NFIX: variants seen among roughly 807,000 people sequenced by gnomAD.
NFIX encodes nuclear factor I X.
A neutral mutation model predicts 53.3 loss-of-function variants in NFIX; 2 were observed. That is an observed-to-expected ratio of 0.04 (90% CI 0.02 to 0.12). NFIX has a LOEUF of 0.12. Ranked by LOEUF, NFIX falls within the 10% of genes least tolerant of loss-of-function variation. The probability of loss-of-function intolerance (pLI) is 1.00; values close to 1 mark genes in which losing one functional copy is unlikely to be tolerated. For missense variants in NFIX, 310 were observed against 674.5 expected (o/e 0.46, Z 5.99); for synonymous variants, 244 against 289.0 (o/e 0.84, Z 1.58).
intron 2 of NFIX, among the ~76,000 whole-genome samples, chr19:13,046,376 G>C (rs574189028): frequency 6.6e-6 from 1 of 152,204 alleles, no homozygotes; most frequent in South Asian, 2.1e-4. Context: ...ACTGTGTCTT[G>C]TGTTTTCTGC....
In NFIX at chr19:13,051,911, C is replaced by T. The variant is rs544730775; in HGVS notation, c.560-21136C>T. Among the ~76,000 whole-genome samples, 6 of 152,270 alleles carry T rather than the reference C, an allele frequency of 3.9e-5. No homozygotes were observed. The East Asian group carries it at 1.2e-3, about 30-fold the overall frequency. On this transcript the variant is annotated intron_variant, in intron 2 of 10. Coordinates refer to ENST00000592199, the MANE Select transcript of NFIX (RefSeq NM_001365902.3). The surrounding 1 kb of genome is among the most constrained non-coding windows in gnomAD (Gnocchi z 5.1). ...CTGCGGGAAGGCACTTCTTAGGCGCCGCCTCCTCCTCACAGCGCCCGCCTT... is the reference window on the plus strand; with the variant it reads ...CTGCGGGAAGGCACTTCTTAGGCGCTGCCTCCTCCTCACAGCGCCCGCCTT...
intron 2 of NFIX, among the ~76,000 whole-genome samples, chr19:13,063,213 T>A (rs1343943579): frequency 6.6e-6 from 1 of 152,206 alleles, no homozygotes; most frequent in Non-Finnish European, 1.5e-5. Flanking sequence ...AAAGTGAATT[T>A]CCTGCTCTAT....
chr19:12,997,446 G>A (rs551560023), intron 1 of NFIX, among the ~76,000 whole-genome samples: 2 of 152,350 alleles, frequency 1.3e-5, no homozygotes, highest in East Asian at 3.9e-4. Flanking sequence ...GTTGCAGTGT[G>A]CATGCAGGTG....
intron 1 of NFIX, among the ~76,000 whole-genome samples, chr19:13,000,821 G>T (rs10415363): frequency 0.1 from 15,651 of 152,274 alleles, 1,724 homozygotes; most frequent in African/African-American, 0.28. Flanking sequence ...TGGGCACTTG[G>T]CTGGATCAGG....
intron 1 of NFIX, chr19:13,023,940 T>TCC: frequency 1.4e-5 from 3 of 212,736 alleles, no homozygotes; most frequent in Non-Finnish European, 2.6e-5. Flanking sequence ...CTCCTCCTCC[T>TCC]CCCCCCTCCC....
In NFIX at chr19:13,025,897, A is replaced by G. The variant is rs2013305389; in HGVS notation, c.559+345A>G. On this transcript the variant is annotated intron_variant, in intron 2 of 10. Coordinates refer to ENST00000592199, the MANE Select transcript of NFIX (RefSeq NM_001365902.3). The surrounding 1 kb of genome is among the most constrained non-coding windows in gnomAD (Gnocchi z 7.5). ...ATGATGGTGAGAGTTTGAGATGAAC[A>G]ACAACAGCAAACCAGTAATTGCTCT... Among the ~76,000 whole-genome samples the G allele has an allele frequency of 6.6e-6, 1 of 152,226 alleles. No homozygotes were observed.
At chr19:13,046,848 T>C (rs1268951285) in intron 2 of NFIX, among the ~76,000 whole-genome samples, 1 of 152,150 alleles carries the variant, frequency 6.6e-6, no homozygotes, top group African/African-American at 2.4e-5. Context: ...ATGGCTCTCT[T>C]CCTTCTTGGT....
rs546340197 is a variant in NFIX at position 13,078,062 on chromosome 19, G to T, written c.956-551G>T. Among the ~76,000 whole-genome samples, 1 of 152,256 alleles carries T rather than the reference G, an allele frequency of 6.6e-6. No individual in the cohort carries two copies. The highest frequency in any genetic ancestry group is 6.5e-5 in the Admixed American group (1 of 15,298). On this transcript the variant is annotated intron_variant, in intron 6 of 10. Transcript: ENST00000592199. The surrounding 1 kb of genome is among the most constrained non-coding windows in gnomAD (Gnocchi z 4.7). ...GGACTCTCCAGGTCCTCTGGCCTCT[G>T]TCCCTGCTCTCTCGCTGGGCATTGT...
intron 1 of NFIX, among the ~76,000 whole-genome samples, chr19:13,015,758 G>A (rs1294625351): frequency 2.6e-5 from 4 of 151,964 alleles, no homozygotes; most frequent in Non-Finnish European, 1.5e-5. Context: ...TTGCCCTGTT[G>A]ATGGGATCAG....
rs908984942 is a variant in NFIX at position 13,081,534 on chromosome 19, G to A, written c.1079-146G>A. 2.4e-5 allele frequency: 15 copies of A among 633,714 alleles called. No homozygotes were observed. In the African/African-American group the frequency reaches 2.4e-4, roughly 10 times the overall value. The allele number at this position is 633,714 out of a possible 1,614,324, so 39.3% of individuals were successfully genotyped here. ...TCCTGATGACTGACTTTTTTGTGCCGCCTTAACTTTTGTGCCTGTGGCGGC... is the reference window on the plus strand; with the variant it reads ...TCCTGATGACTGACTTTTTTGTGCCACCTTAACTTTTGTGCCTGTGGCGGC... On this transcript the variant is annotated intron_variant, in intron 7 of 10. Coordinates refer to ENST00000592199, the MANE Select transcript of NFIX (RefSeq NM_001365902.3). This position sits in a 1 kb window ranked among gnomAD's most constrained non-coding sequence, Gnocchi z 4.7.
At chr19:13,010,507 A>C (rs1282883217) in intron 1 of NFIX, among the ~76,000 whole-genome samples, 1 of 152,224 alleles carries the variant, frequency 6.6e-6, no homozygotes. Context: ...TTATATGCGC[A>C]CCTAGGCCTG....
At chr19:13,077,025 C>T (rs751010010) in intron 6 of NFIX, among the ~76,000 whole-genome samples, 19 of 152,096 alleles carry the variant, frequency 1.2e-4, no homozygotes, top group Non-Finnish European at 2.2e-4. Context: ...CCTAGGGGAG[C>T]CTTGAGAGGC....
In NFIX at chr19:13,081,954, C is replaced by A; in HGVS notation, c.1254+99C>A. The A allele has an allele frequency of 7.0e-7, 1 of 1,421,276 alleles. No homozygotes were observed. The highest frequency in any genetic ancestry group is 2.4e-5 in the East Asian group (1 of 41,166). The allele number at this position is 1,421,276 out of a possible 1,614,324, so 88.0% of individuals were successfully genotyped here. A position where few individuals can be genotyped will look rare whatever the true frequency, so the allele number is the denominator to read the frequency against. On this transcript the variant is annotated intron_variant, in intron 8 of 10. Transcript: ENST00000592199. This position sits in a 1 kb window ranked among gnomAD's most constrained non-coding sequence, Gnocchi z 4.7. ...GGGAGAGGGCCCAAAAGCCAGGAGC[C>A]CACCTGGGGCTGGAGCAGCAGGGAG...
chr19:13,076,205 A>C (rs918944176), intron 6 of NFIX, among the ~76,000 whole-genome samples: 1 of 152,198 alleles, frequency 6.6e-6, no homozygotes, highest in Non-Finnish European at 1.5e-5. Context: ...TCCCAGGATG[A>C]GAACCACTGG....
At chr19:13,057,139 A>AGTG (rs753939107) in intron 2 of NFIX, among the ~76,000 whole-genome samples, 18 of 152,364 alleles carry the variant, frequency 1.2e-4, no homozygotes, top group Non-Finnish European at 2.4e-4. Context: ...TGAACCTGAC[A>AGTG]GTGGAACCAT....
At chr19:13,030,047 C>T (rs1234904037) in intron 2 of NFIX, among the ~76,000 whole-genome samples, 2 of 152,210 alleles carry the variant, frequency 1.3e-5, no homozygotes, top group African/African-American at 4.8e-5. Context: ...TCTCCAGGTC[C>T]ACCCCCACCA....
Position 13,025,179 on chromosome 19 carries a change from C to G in NFIX, c.186C>G (p.Gly62=), listed in dbSNP as rs1057523001. The G allele has an allele frequency of 3.1e-6, 5 of 1,614,164 alleles. No individual in the cohort carries two copies. The Admixed American group carries it at 8.3e-5, about 27-fold the overall frequency. The change falls in exon 2 of 11, where the codon GGC becomes GGG. Residue 62 remains glycine (G), a synonymous_variant. Transcript: ENST00000592199. This position sits in a 1 kb window ranked among gnomAD's most constrained non-coding sequence, Gnocchi z 7.5. ...EERAVKDELL[G]EKPEIKQKWA... is the part of the protein sequence containing the mutation. ...GGGCGGTGAAGGACGAGCTGCTGGG[C>G]GAGAAGCCCGAGATCAAGCAGAAGT...
chr19:13,080,181 T>C (rs1471235723), intron 7 of NFIX, among the ~76,000 whole-genome samples: 1 of 152,118 alleles, frequency 6.6e-6, no homozygotes, highest in African/African-American at 2.4e-5. Flanking sequence ...ATAAATAATA[T>C]TTTAATGGAA....
Position 13,006,237 on chromosome 19 carries a change from G to C in NFIX, c.27+10373G>C, listed in dbSNP as rs1182223125. ...GGTGGGCACGGAGACCTCATGGTGA[G>C]ATGATGATTTTGAACGCTGCCTTGC... On this transcript the variant is annotated intron_variant, in intron 1 of 10. Coordinates refer to ENST00000592199, the MANE Select transcript of NFIX (RefSeq NM_001365902.3). The surrounding 1 kb of genome is among the most constrained non-coding windows in gnomAD (Gnocchi z 5.6). Among the ~76,000 whole-genome samples the C allele has an allele frequency of 6.6e-6, 1 of 152,162 alleles. No individual in the cohort carries two copies. The highest frequency in any genetic ancestry group is 6.5e-5 in the Admixed American group (1 of 15,278).
Sources: allele counts gnomAD v4.1 joint callset (sites outside exome capture counted in the v4.1 genomes callset), GRCh38; gene constraint gnomAD v4.1.1; non-coding constraint Gnocchi (gnomAD v3.1); transcripts MANE v1.5; gene names NCBI Gene and HGNC (gene_info 2026-07-23, HGNC 2026-07-21).